Variants in FOSL1 observed in about 807,000 individuals in gnomAD.
FOSL1 encodes FOS like 1, AP-1 transcription factor subunit.
Under a neutral mutation model 24.9 loss-of-function variants are expected in FOSL1, and 14 were observed. The ratio of observed to expected loss-of-function variants is 0.56; its 90% CI spans 0.37 to 0.88. The LOEUF (loss-of-function observed/expected upper bound fraction) is 0.88, where lower values mean the gene tolerates loss of function less well. Ranked by LOEUF, FOSL1 falls within the 40% of genes least tolerant of loss-of-function variation. FOSL1 has a pLI of 0.00. For synonymous variants in FOSL1, 133 were observed against 145.1 expected (o/e 0.92, Z 0.60); for missense variants, 318 against 359.8 (o/e 0.88, Z 0.94).
Position 65,893,959 on chromosome 11 carries a change from G to T in FOSL1, c.405+55C>A, listed in dbSNP as rs1025449535. The T allele has an allele frequency of 9.1e-5, 112 of 1,234,652 alleles. 1 individual carries two copies. The highest frequency in any genetic ancestry group is 1.1e-4 in the Non-Finnish European group (93 of 862,970). The allele number at this position is 1,234,652 out of a possible 1,614,324, so 76.5% of individuals were successfully genotyped here. ...GGGGGCTACATATACTGGGGCTCTGGGGGCTCTGGGAGACAGGGTCCCTCT... is the reference window on the plus strand; with the variant it reads ...GGGGGCTACATATACTGGGGCTCTGTGGGCTCTGGGAGACAGGGTCCCTCT... On this transcript the variant is annotated intron_variant, in intron 3 of 3. Coordinates refer to ENST00000312562, the MANE Select transcript of FOSL1 (RefSeq NM_005438.5).
At chr11:65,897,058 G>A in intron 1 of FOSL1, 52 bp from the exon 2 acceptor site, 1 of 1,367,476 alleles carries the variant, frequency 7.3e-7, no homozygotes, top group Non-Finnish European at 1.0e-6. Flanking sequence ...GGATTGAGGG[G>A]CTTCCACTGG....
At chr11:65,899,905 G>A (rs1221411876) in intron 1 of FOSL1, among the ~76,000 whole-genome samples, 1 of 152,220 alleles carries the variant, frequency 6.6e-6, no homozygotes, top group African/African-American at 2.4e-5. Flanking sequence ...TAGCCTTCGA[G>A]GCGACCACCC....
At position 65,892,682 on chromosome 11, in the gene FOSL1, G is replaced by T; in HGVS notation, c.*204C>A. 1.4e-6 allele frequency: 1 copy of T among 702,020 alleles called. No individual in the cohort carries two copies. The highest frequency in any genetic ancestry group is 1.5e-5 in the South Asian group (1 of 66,632). 43.5% of individuals were successfully genotyped at this position (702,020 alleles called of 1,614,324 possible). On this transcript the variant is annotated 3_prime_UTR_variant, in exon 4 of 4. Coordinates refer to ENST00000312562, the MANE Select transcript of FOSL1 (RefSeq NM_005438.5). ...ATTTAGTGCAAATTGTGCTAGAGAG[G>T]CCAGCTCAAGAGAAACAGTGGGCAG...
intron 1 of FOSL1, among the ~76,000 whole-genome samples, chr11:65,898,892 C>A (rs1335135256): frequency 6.8e-6 from 1 of 147,590 alleles, no homozygotes; most frequent in Non-Finnish European, 1.5e-5. Context: ...GCCCAGGAGG[C>A]TGAGGCTGCA....
intron 2 of FOSL1, among the ~76,000 whole-genome samples, chr11:65,894,966 C>CT (rs772849854): frequency 0.17 from 24,018 of 141,342 alleles, 2,103 homozygotes; most frequent in East Asian, 0.32. Flanking sequence ...CTTTTTTTTT[C>CT]TTTTTTTTTT....
Position 65,900,294 on chromosome 11 carries a change from C to T in FOSL1, c.46G>A (p.Gly16Ser). 1 of 1,246,548 alleles carries T rather than the reference C, an allele frequency of 8.0e-7. No individual in the cohort carries two copies. Among genetic ancestry groups the T allele is most frequent in the South Asian group, 3.4e-5 (1 of 29,798 alleles). 77.2% of individuals were successfully genotyped at this position (1,246,548 alleles called of 1,614,324 possible). A position where few individuals can be genotyped will look rare whatever the true frequency, so the allele number is the denominator to read the frequency against. Residue 16 changes from glycine to serine, a missense_variant, in exon 1 of 4, where the codon GGC becomes AGC. Coordinates refer to ENST00000312562, the MANE Select transcript of FOSL1 (RefSeq NM_005438.5). ...GGCTGCGCGGGGCCGCCGTACCCGC[C>T]GCCGTTCCCGGAGCTCGGGCCGGGT... ...GEPGPSSGNG[G>S]GYGGPAQPPA...
intron 1 of FOSL1, among the ~76,000 whole-genome samples, chr11:65,898,042 T>C (rs1440065784): frequency 1.3e-5 from 1 of 75,786 alleles, no homozygotes; most frequent in Non-Finnish European, 2.8e-5. Context: ...TTTTTTCTTT[T>C]CTGTTTTTTT....
At chr11:65,900,500 C>A (rs1033863518), upstream of FOSL1, 1 of 401,828 alleles carries the variant, frequency 2.5e-6, no homozygotes, top group Non-Finnish European at 4.3e-6. Context: ...CCAGGCTCCA[C>A]CCCCGAGACG....
chr11:65,895,469 A>G (rs1345671271), intron 2 of FOSL1, among the ~76,000 whole-genome samples: 2 of 152,176 alleles, frequency 1.3e-5, no homozygotes, highest in Non-Finnish European at 2.9e-5. Flanking sequence ...ACTGAAGCCC[A>G]GAGAGGATAA....
At chr11:65,897,033 A>G (rs549767213) in intron 1 of FOSL1, 27 bp from the exon 2 acceptor site, 8 of 1,578,500 alleles carry the variant, frequency 5.1e-6, no homozygotes, top group Middle Eastern at 1.7e-4. Flanking sequence ...GGAAGGCCAC[A>G]GATGAGGTCC....
intron 1 of FOSL1, among the ~76,000 whole-genome samples, chr11:65,899,580 C>A (rs1184968946): frequency 6.6e-6 from 1 of 152,240 alleles, no homozygotes; most frequent in Non-Finnish European, 1.5e-5. Context: ...CCTGACCCCG[C>A]GCACGTCCCG....
At position 65,892,118 on chromosome 11, in the gene FOSL1, A is replaced by G. The variant is rs1346885997; in HGVS notation, c.*768T>C. 1.9e-5 allele frequency: 3 copies of G among 157,120 alleles called. No individual in the cohort carries two copies. The highest frequency in any genetic ancestry group is 7.2e-5 in the African/African-American group (3 of 41,468). 9.7% of individuals were successfully genotyped at this position (157,120 alleles called of 1,614,324 possible). On this transcript the variant is annotated 3_prime_UTR_variant, in exon 4 of 4. Transcript: ENST00000312562. Reference sequence around the variant, plus strand: ...ATAAGACAAAGTCCAAAAATATCAAAGAATTTGTCCAAGGTCATGCAGTGA... The same window carrying G: ...ATAAGACAAAGTCCAAAAATATCAAGGAATTTGTCCAAGGTCATGCAGTGA...
At chr11:65,900,186 C>T (rs1232294475) in intron 1 of FOSL1, 55 bp downstream of exon 1, 3 of 911,230 alleles carry the variant, frequency 3.3e-6, no homozygotes, top group African/African-American at 1.7e-5. Context: ...GGAGTTGACC[C>T]CGGCCTCCCA....
At chr11:65,895,280 C>T (rs1174885469) in intron 2 of FOSL1, among the ~76,000 whole-genome samples, 11 of 152,006 alleles carry the variant, frequency 7.2e-5, no homozygotes, top group Non-Finnish European at 1.3e-4. Context: ...CCTTCCACCA[C>T]GCCCAGCTAA....
intron 2 of FOSL1, 29 bp downstream of exon 2, chr11:65,896,780 G>A (rs199745694): frequency 8.8e-5 from 137 of 1,554,164 alleles, no homozygotes; most frequent in Middle Eastern, 4.4e-4. Context: ...GGGCGGGGTC[G>A]GAACCACTGC....
Position 65,894,097 on chromosome 11 carries a change from G to T in FOSL1, c.322C>A (p.Arg108Ser). The stretch of plus-strand genomic sequence containing the variant: ...TTGTTCCGCTCGCGCCTTACTCGGC[G>T]GCGCTCCTCTTCCTCCGGGCTGATC... ...EQISPEEEER[R>S]RVRRERNKLA... Residue 108 changes from arginine (R) to serine (S), a missense_variant, in exon 3 of 4, where the codon CGC becomes AGC. Transcript: ENST00000312562. The T allele has an allele frequency of 6.2e-7, 1 of 1,608,656 alleles. No homozygotes were observed. Among genetic ancestry groups the T allele is most frequent in the Non-Finnish European group, 8.5e-7 (1 of 1,179,382 alleles).
rs1412136459 is a variant in FOSL1, at chr11:65,900,267, G to A, written c.73C>T (p.Pro25Ser). ...GGGYGGPAQP[P>S]AAAQAAQQKF... ...TGCTGGGCTGCCTGCGCTGCGGCCG[G>A]GGGCTGCGCGGGGCCGCCGTACCCG... The change falls in exon 1 of 4, where the codon CCG becomes TCG. Residue 25 changes from proline to serine, a missense_variant. By Grantham distance (74) the Pro-to-Ser change is moderately conservative. Transcript: ENST00000312562. 3.2e-6 allele frequency: 4 copies of A among 1,244,018 alleles called. No individual in the cohort carries two copies. The East Asian group carries it at 9.4e-5, about 29-fold the overall frequency. The allele number at this position is 1,244,018 out of a possible 1,614,324, so 77.1% of individuals were successfully genotyped here.
chr11:65,899,026 T>G (rs1860603443), intron 1 of FOSL1, among the ~76,000 whole-genome samples: 1 of 150,070 alleles, frequency 6.7e-6, no homozygotes, highest in Middle Eastern at 3.5e-3. Flanking sequence ...TTATAGTGGG[T>G]TTTTTTTTCA....
intron 2 of FOSL1, among the ~76,000 whole-genome samples, chr11:65,895,807 A>G (rs1017166158): frequency 4.6e-5 from 7 of 151,922 alleles, no homozygotes; most frequent in Non-Finnish European, 1.0e-4. Context: ...CCCATCCTCT[A>G]CCTGCCGACC....
Sources: gnomAD v4.1 joint callset for allele counts (sites outside exome capture counted in the v4.1 genomes callset) on GRCh38, gnomAD v4.1.1 for gene constraint, MANE v1.5 for transcripts, NCBI Gene and HGNC (gene_info 2026-07-23, HGNC 2026-07-21) for gene names.